COA1: variants seen among roughly 807,000 people sequenced by gnomAD.
COA1 encodes cytochrome c oxidase assembly factor 1.
In COA1, 13 loss-of-function variants were observed where a neutral mutation model predicts 16.0. The observed-to-expected ratio is 0.81, with a 90% CI of 0.53 to 1.29. The LOEUF (loss-of-function observed/expected upper bound fraction) is 1.29, where lower values mean the gene tolerates loss of function less well. COA1 is among the 50% of genes most tolerant of loss of function. The pLI, the probability that COA1 is intolerant of heterozygous loss-of-function variation, is 0.00. For missense variants in COA1, 179 were observed against 177.0 expected, an observed-to-expected ratio of 1.01 and a Z score of -0.06; for synonymous variants, 65 against 65.7, an observed-to-expected ratio of 0.99 and a Z score of 0.05.
At chr7:43,679,061 T>C (rs1385207090) in intron 1 of COA1, among the ~76,000 whole-genome samples, 3 of 152,120 alleles carry the variant, frequency 2.0e-5, no homozygotes, top group Non-Finnish European at 4.4e-5. Flanking sequence ...GGTTGATTAC[T>C]TGAGGTCAGG....
intron 1 of COA1, among the ~76,000 whole-genome samples, chr7:43,722,634 C>G (rs933442780): frequency 6.6e-6 from 1 of 151,816 alleles, no homozygotes; most frequent in Non-Finnish European, 1.5e-5. Flanking sequence ...AACTCCTGAT[C>G]TCAAGTGATC....
chr7:43,660,138 G>A (rs978493684), intron 1 of COA1, among the ~76,000 whole-genome samples: 2 of 152,024 alleles, frequency 1.3e-5, no homozygotes, highest in Admixed American at 6.6e-5. Context: ...TGTTAATGAC[G>A]GACCTAGCAA....
At chr7:43,637,954 C>T (rs1447710899), downstream of COA1, among the ~76,000 whole-genome samples, 8 of 152,128 alleles carry the variant, frequency 5.3e-5, no homozygotes, top group Admixed American at 2.0e-4. Flanking sequence ...TAGGAAGCAC[C>T]ACATAAATTC....
chr7:43,673,943 T>G (rs891974852), intron 1 of COA1, among the ~76,000 whole-genome samples: 1 of 150,132 alleles, frequency 6.7e-6, no homozygotes, highest in Admixed American at 6.6e-5. Flanking sequence ...AGCTAAACAT[T>G]GGATATGTAT....
intron 1 of COA1, among the ~76,000 whole-genome samples, chr7:43,705,737 C>A (rs1400792251): frequency 6.6e-6 from 1 of 152,228 alleles, no homozygotes; most frequent in Non-Finnish European, 1.5e-5. Flanking sequence ...TCTCTGTCAA[C>A]TCTCCAGGAA....
Position 43,641,016 on chromosome 7 carries a change from G to A in COA1, c.265-367C>T, listed in dbSNP as rs74848605. 765 of 171,704 alleles carry A rather than the reference G, an allele frequency of 4.5e-3. 7 individuals are homozygous for A. The highest frequency in any genetic ancestry group is 7.2e-3 in the Non-Finnish European group (586 of 81,726). 10.6% of individuals were successfully genotyped at this position (171,704 alleles called of 1,614,324 possible). ...CAAGCCAAAGGGCTTTACACAGGAG[G>A]AGTATACAAGTATTTATGTTAAATT... On this transcript the variant is annotated intron_variant, in intron 4 of 5. Coordinates refer to ENST00000223336, the MANE Select transcript of COA1 (RefSeq NM_018224.4).
At chr7:43,670,496 T>A (rs1021450242) in intron 1 of COA1, among the ~76,000 whole-genome samples, 10 of 152,066 alleles carry the variant, frequency 6.6e-5, no homozygotes, top group Admixed American at 1.3e-4. Context: ...CCAAAAGTAA[T>A]TAATCTATTT....
At chr7:43,705,803 C>T (rs1444185214) in intron 1 of COA1, among the ~76,000 whole-genome samples, 1 of 152,210 alleles carries the variant, frequency 6.6e-6, no homozygotes, top group Non-Finnish European at 1.5e-5. Flanking sequence ...CACAGGTAGG[C>T]TCCCAGAGGT....
At chr7:43,705,770 T>C (rs1452788725) in intron 1 of COA1, among the ~76,000 whole-genome samples, 1 of 152,208 alleles carries the variant, frequency 6.6e-6, no homozygotes, top group Non-Finnish European at 1.5e-5. Flanking sequence ...AGCTCAGATG[T>C]TCATGAGAAT....
chr7:43,714,022 A>G (rs1563461751), intron 1 of COA1, among the ~76,000 whole-genome samples: 2 of 151,850 alleles, frequency 1.3e-5, no homozygotes, highest in Non-Finnish European at 2.9e-5. Context: ...AAAATATATT[A>G]AAACACAGAT....
intron 1 of COA1, among the ~76,000 whole-genome samples, chr7:43,714,132 G>A (rs541191327): frequency 4.6e-5 from 7 of 152,300 alleles, no homozygotes; most frequent in South Asian, 4.1e-4. Flanking sequence ...AGGTTGCAAT[G>A]AGGTAGGATC....
intron 1 of COA1, among the ~76,000 whole-genome samples, chr7:43,705,629 T>C (rs1307389819): frequency 1.3e-5 from 2 of 152,182 alleles, no homozygotes; most frequent in South Asian, 4.1e-4. Flanking sequence ...AGGCTAGAGC[T>C]GCCTAGAGGA....
intron 6 of COA1, chr7:43,619,564 T>C (rs780750799): frequency 3.1e-6 from 5 of 1,606,736 alleles, no homozygotes; most frequent in African/African-American, 1.3e-5. Context: ...ATCATAGTTA[T>C]ATTGATTTTT....
At chr7:43,720,932 G>A (rs1328011207) in intron 1 of COA1, among the ~76,000 whole-genome samples, 1 of 152,180 alleles carries the variant, frequency 6.6e-6, no homozygotes, top group African/African-American at 2.4e-5. Context: ...CAGGATGCTG[G>A]CAATTAGAAC....
At chr7:43,668,767 CTTTG>C (rs1409380171) in intron 1 of COA1, among the ~76,000 whole-genome samples, 1 of 152,160 alleles carries the variant, frequency 6.6e-6, no homozygotes, top group African/African-American at 2.4e-5. Context: ...CCTGAGGTTT[CTTTG>C]TTTGGGAAAT....
At chr7:43,625,761 GA>G (rs2084451771) in intron 6 of COA1, 3 of 151,786 alleles carry the variant, frequency 2.0e-5, no homozygotes, top group African/African-American at 7.3e-5. Context: ...AGCAGAGAGA[GA>G]GAGAGAGAGA....
intron 1 of COA1, among the ~76,000 whole-genome samples, chr7:43,724,879 G>C (rs542347087): frequency 7.7e-4 from 118 of 152,344 alleles, no homozygotes; most frequent in Non-Finnish European, 1.2e-3. Flanking sequence ...TATAATGGTA[G>C]TTGCCAGGGA....
intron 3 of COA1, chr7:43,646,443 C>A: frequency 2.4e-6 from 1 of 410,486 alleles, no homozygotes; most frequent in Non-Finnish European, 5.0e-6. Context: ...CACATCACAC[C>A]AATAAGGTAA....
At chr7:43,614,485 C>T (rs547570457) in intron 6 of COA1, among the ~76,000 whole-genome samples, 9 of 152,250 alleles carry the variant, frequency 5.9e-5, no homozygotes, top group East Asian at 1.9e-4. Context: ...ACATGTATTT[C>T]GGCTTATTGG....
Sources: allele counts gnomAD v4.1 joint callset (sites outside exome capture counted in the v4.1 genomes callset), GRCh38; gene constraint gnomAD v4.1.1; transcripts MANE v1.5; gene names NCBI Gene and HGNC (gene_info 2026-07-23, HGNC 2026-07-21).